Variants in ZNF469 observed in about 807,000 individuals in gnomAD.
ZNF469 encodes the protein zinc finger protein 469.
A neutral mutation model predicts 1.0 loss-of-function variants in ZNF469; 1 was observed. That is an observed-to-expected ratio of 1.00 (90% CI 0.35 to 4.73). The LOEUF (loss-of-function observed/expected upper bound fraction) is 4.73, where lower values mean the gene tolerates loss of function less well. Ranked by LOEUF, ZNF469 falls within the 30% of genes most tolerant of loss-of-function variation. The pLI is 0.16. For synonymous variants in ZNF469, 2,703 were observed against 2,363.4 expected (o/e 1.14, Z -4.17); for missense variants, 6,100 against 5,356.3 (o/e 1.14, Z -4.33).
chr16:88,193,755 C>A, the ZNF469 span: 2 of 152,262 alleles, frequency 1.3e-5, no homozygotes, highest in Non-Finnish European at 2.9e-5. Flanking sequence ...ACAGAAGTTT[C>A]TTTCTCATAG....
the ZNF469 span, among the ~76,000 whole-genome samples, chr16:88,307,404 A>C: frequency 2.0e-5 from 3 of 152,244 alleles, no homozygotes; most frequent in Non-Finnish European, 4.4e-5. Flanking sequence ...TTAACATTCC[A>C]AGAGGACTGG....
At chr16:88,408,295 G>A (rs540057931) in intron 1 of ZNF469, among the ~76,000 whole-genome samples, 1 of 152,234 alleles carries the variant, frequency 6.6e-6, no homozygotes, top group Non-Finnish European at 1.5e-5. Context: ...GGGACTACAG[G>A]CACCCACCAC....
At chr16:88,173,990 C>A in the ZNF469 span, among the ~76,000 whole-genome samples, 2 of 151,976 alleles carry the variant, frequency 1.3e-5, no homozygotes, top group Non-Finnish European at 2.9e-5. Context: ...AAATTTAAAT[C>A]AAACATAATC....
chr16:88,225,564 C>A, the ZNF469 span, among the ~76,000 whole-genome samples: 1 of 151,604 alleles, frequency 6.6e-6, no homozygotes, highest in African/African-American at 2.4e-5. Flanking sequence ...GAGGAGCCGC[C>A]CATGCCCTCT....
chr16:88,324,509 G>A, the ZNF469 span, among the ~76,000 whole-genome samples: 1 of 152,234 alleles, frequency 6.6e-6, no homozygotes, highest in African/African-American at 2.4e-5. Context: ...AGCCCGGGAG[G>A]GTTCTTGGCT....
At chr16:88,400,758 A>T (rs1485522573) in intron 1 of ZNF469, among the ~76,000 whole-genome samples, 1 of 152,034 alleles carries the variant, frequency 6.6e-6, no homozygotes, top group Non-Finnish European at 1.5e-5. Flanking sequence ...CAAACAGTCT[A>T]TCTCTGGGCA....
chr16:88,235,341 G>T, the ZNF469 span, among the ~76,000 whole-genome samples: 1 of 152,162 alleles, frequency 6.6e-6, no homozygotes, highest in African/African-American at 2.4e-5. Context: ...TGGGTCCCCA[G>T]TGCCCTCCTT....
At chr16:88,264,722 G>A in the ZNF469 span, among the ~76,000 whole-genome samples, 3 of 151,640 alleles carry the variant, frequency 2.0e-5, no homozygotes, top group African/African-American at 4.8e-5. Flanking sequence ...ACAGGTCCCC[G>A]CTCCCCCGAG....
the ZNF469 span, among the ~76,000 whole-genome samples, chr16:88,176,103 TG>T: frequency 4.0e-5 from 6 of 151,868 alleles, no homozygotes; most frequent in Non-Finnish European, 7.4e-5. Context: ...CCCAGAGGGC[TG>T]GGGGGTCTCA....
the ZNF469 span, among the ~76,000 whole-genome samples, chr16:88,328,990 C>T: frequency 6.6e-6 from 1 of 152,208 alleles, no homozygotes; most frequent in African/African-American, 2.4e-5. Context: ...TCCCGACGTT[C>T]ACCCGCAGCC....
chr16:88,131,219 C>T, the ZNF469 span, among the ~76,000 whole-genome samples: 2 of 152,088 alleles, frequency 1.3e-5, no homozygotes, highest in Admixed American at 6.5e-5. Context: ...GAATCACACC[C>T]CGTTGAATAA....
chr16:88,366,140 CCAT>C, the ZNF469 span, among the ~76,000 whole-genome samples: 1 of 148,762 alleles, frequency 6.7e-6, no homozygotes, highest in African/African-American at 2.5e-5. Flanking sequence ...ATCATCATCA[CCAT>C]CATCACCATC....
At chr16:88,275,640 A>C in the ZNF469 span, among the ~76,000 whole-genome samples, 220 of 152,268 alleles carry the variant, frequency 1.4e-3, 1 homozygote, top group African/African-American at 5.2e-3. Flanking sequence ...AGGCACTGAA[A>C]GACCAGGCTG....
chr16:88,240,168 C>T, the ZNF469 span, among the ~76,000 whole-genome samples: 6 of 152,074 alleles, frequency 3.9e-5, no homozygotes, highest in African/African-American at 1.4e-4. Context: ...TCCTGCCAGC[C>T]CCAATCAGCA....
the ZNF469 span, among the ~76,000 whole-genome samples, chr16:88,129,460 G>A: frequency 6.6e-6 from 1 of 151,968 alleles, no homozygotes; most frequent in Non-Finnish European, 1.5e-5. Context: ...GTTCTATATT[G>A]CATTGCATTG....
rs1404062639 is a variant in ZNF469, at chr16:88,439,374, G to A, written c.*42G>A. Reference sequence around the variant, plus strand: ...CCTGGGACCGGAGCTGGGCGTTCCTGTCTCGGCCTGCCTCCTTGGCCAGCT... The same window carrying A: ...CCTGGGACCGGAGCTGGGCGTTCCTATCTCGGCCTGCCTCCTTGGCCAGCT... On this transcript the variant is annotated 3_prime_UTR_variant, in exon 3 of 3. Transcript: ENST00000565624. 1.9e-6 allele frequency: 3 copies of A among 1,548,230 alleles called. No individual in the cohort carries two copies. The highest frequency in any genetic ancestry group is 1.4e-5 in the African/African-American group (1 of 73,034).
At chr16:88,202,668 T>C in the ZNF469 span, among the ~76,000 whole-genome samples, 8 of 150,198 alleles carry the variant, frequency 5.3e-5, no homozygotes, top group Non-Finnish European at 1.0e-4. Flanking sequence ...TTAGGAAACG[T>C]TGTGTCTGCA....
rs1035307007 is a variant in ZNF469, at chr16:88,438,495, C to T, written c.11025C>T (p.Gly3675=). The T allele has an allele frequency of 8.4e-6, 13 of 1,550,016 alleles. No individual in the cohort carries two copies. The highest frequency in any genetic ancestry group is 2.0e-5 in the Admixed American group (1 of 50,988). The change falls in exon 3 of 3, where the codon GGC becomes GGT. Residue 3675 remains glycine, a synonymous_variant. Transcript: ENST00000565624. ...AGGGCAGCGCCACCAAGCCTGCGGG[C>T]TGCCAGAGCTCATCAAAGGACAGGT... ...FHKGSATKPA[G]CQSSSKDRSA... is the part of the protein sequence containing the mutation.
intron 1 of ZNF469, among the ~76,000 whole-genome samples, chr16:88,390,753 G>A (rs1398054005): frequency 6.6e-6 from 1 of 152,202 alleles, no homozygotes; most frequent in Non-Finnish European, 1.5e-5. Context: ...GGGGGAAGGC[G>A]TCTCTGAGCT....
Sources: allele counts gnomAD v4.1 joint callset (sites outside exome capture counted in the v4.1 genomes callset), GRCh38; gene constraint gnomAD v4.1.1; transcripts MANE v1.5; gene names NCBI Gene and HGNC (gene_info 2026-07-23, HGNC 2026-07-21).